MICALL1: variants seen among roughly 807,000 people sequenced by gnomAD.
The protein encoded by MICALL1 is MICAL-like protein 1.
MICALL1 carries 61 observed loss-of-function variants against 83.7 expected under a neutral mutation model. That is an observed-to-expected ratio of 0.73 (90% CI 0.59 to 0.90). The LOEUF is 0.90. MICALL1 is among the 40% of genes least tolerant of loss of function. The probability of loss-of-function intolerance (pLI) is 0.00; values close to 1 mark genes in which losing one functional copy is unlikely to be tolerated. For synonymous variants in MICALL1, 481 were observed against 473.6 expected (o/e 1.02, Z -0.20); for missense variants, 1,066 against 1,152.0 (o/e 0.93, Z 1.08).
Position 37,937,516 on chromosome 22 carries a change from C to T in MICALL1, c.2424-230C>T, listed in dbSNP as rs182278283. 1.0e-3 allele frequency among the ~76,000 whole-genome samples: 158 copies of T among 150,956 alleles called. 2 individuals are homozygous for T. In the East Asian group the frequency reaches 0.028, roughly 27 times the overall value. On this transcript the variant is annotated intron_variant, in intron 14 of 15. Transcript: ENST00000215957. ...TCGGCTCACTACAACCTCTGTCTCC[C>T]AGGTTCAAGCGATTCTCCTACCTCT...
At position 37,926,021 on chromosome 22, in the gene MICALL1, C is replaced by T. The variant is rs757046177; in HGVS notation, c.1443C>T (p.Arg481=). The change falls in exon 8 of 16, where the codon CGC becomes CGT. Residue 481 remains arginine (R), a synonymous_variant. Transcript: ENST00000215957. ...AGACAAAGAAGCGCCCTGCCCCGCG[C>T]GCACCCAGCGCGTCCCCACTGGGTG... The part of the protein sequence containing the change: ...SPKTKKRPAP[R]APSASPLALH... 6.3e-5 allele frequency: 102 copies of T among 1,606,696 alleles called. No homozygotes were observed. The highest frequency in any genetic ancestry group is 1.9e-4 in the South Asian group (17 of 90,702).
intron 7 of MICALL1, among the ~76,000 whole-genome samples, chr22:37,925,151 G>A (rs569221696): frequency 1.3e-4 from 20 of 152,298 alleles, no homozygotes; most frequent in African/African-American, 4.3e-4. Flanking sequence ...GCTGTTATTT[G>A]AGGGCCATGC....
chr22:37,925,028 G>T (rs1929334737), intron 7 of MICALL1, among the ~76,000 whole-genome samples: 1 of 152,176 alleles, frequency 6.6e-6, no homozygotes, highest in Non-Finnish European at 1.5e-5. Context: ...TTATAGAGTT[G>T]ATTTGAGGCT....
Position 37,925,966 on chromosome 22 carries a change from G to C in MICALL1, c.1388G>C (p.Trp463Ser). The C allele has an allele frequency of 6.2e-7, 1 of 1,613,892 alleles. No homozygotes were observed. Among genetic ancestry groups the C allele is most frequent in the Non-Finnish European group, 8.5e-7 (1 of 1,179,974 alleles). Residue 463 changes from tryptophan to serine, a missense_variant, in exon 8 of 16, where the codon TGG becomes TCG. By Grantham distance (177) the Trp-to-Ser change is radical. Coordinates refer to ENST00000215957, the MANE Select transcript of MICALL1 (RefSeq NM_033386.4). ...TCCACACCCAAGTCCCTGCACCCCT[G>C]GTACGGCATCACCCCTACCAGCAGC... ...PESTPKSLHP[W>S]YGITPTSSPK...
At chr22:37,922,786 G>GTTTTTTTTTTT in intron 6 of MICALL1, among the ~76,000 whole-genome samples, 1 of 83,998 alleles carries the variant, frequency 1.2e-5, no homozygotes, top group Non-Finnish European at 2.5e-5. Context: ...ATTTTGTTTT[G>GTTTTTTTTTTT]TTTTTTTTTG....
rs1601832546 is a variant in MICALL1, at chr22:37,933,199, G to C, written c.2308+87G>C. 11 of 1,370,486 alleles carry C rather than the reference G, an allele frequency of 8.0e-6. No individual in the cohort carries two copies. The East Asian group carries it at 2.5e-4, about 32-fold the overall frequency. 84.9% of individuals were successfully genotyped at this position (1,370,486 alleles called of 1,614,324 possible). A position where few individuals can be genotyped will look rare whatever the true frequency, so the allele number is the denominator to read the frequency against. On this transcript the variant is annotated intron_variant, in intron 13 of 15. Transcript: ENST00000215957. ...GGGGGAGCGGGCAGACAAAACCCCAGTAGGATGCACAGGCAGACTGGGGAC... is the reference window on the plus strand; with the variant it reads ...GGGGGAGCGGGCAGACAAAACCCCACTAGGATGCACAGGCAGACTGGGGAC...
At chr22:37,915,910 G>A (rs1928647330) in intron 3 of MICALL1, among the ~76,000 whole-genome samples, 1 of 152,194 alleles carries the variant, frequency 6.6e-6, no homozygotes, top group South Asian at 2.1e-4. Flanking sequence ...GCCTCCCAAA[G>A]TGCTGGGATT....
chr22:37,936,892 A>C (rs75570183), intron 13 of MICALL1, among the ~76,000 whole-genome samples, 188 bp from the exon 14 acceptor site: 27 of 147,672 alleles, frequency 1.8e-4, no homozygotes, highest in African/African-American at 6.5e-4. Context: ...ACTCCGTCTC[A>C]AAAAAAAAAA....
intron 8 of MICALL1, 148 bp from the exon 9 acceptor site, chr22:37,927,263 C>G: frequency 1.1e-6 from 1 of 937,632 alleles, no homozygotes; most frequent in African/African-American, 1.7e-5. Context: ...CGGGCGTTTG[C>G]TGTTCCCTGG....
rs745407991 is a variant in MICALL1 at position 37,932,538 on chromosome 22, G to A, written c.2017-15G>A. 6.2e-7 allele frequency: 1 copy of A among 1,613,386 alleles called. No individual in the cohort carries two copies. The highest frequency in any genetic ancestry group is 8.5e-7 in the Non-Finnish European group (1 of 1,179,500). ...AACCAGGCAGGCCGTCAGGTGACCA[G>A]GCACTGTTGGGCAGGTCCAGGCTGA... On this transcript the variant is annotated splice_polypyrimidine_tract_variant and intron_variant, in intron 10 of 15. Coordinates refer to ENST00000215957, the MANE Select transcript of MICALL1 (RefSeq NM_033386.4). The surrounding 1 kb of genome is among the most constrained non-coding windows in gnomAD (Gnocchi z 4.4).
chr22:37,909,347 C>A (rs549302580), intron 1 of MICALL1, among the ~76,000 whole-genome samples: 1 of 151,158 alleles, frequency 6.6e-6, no homozygotes, highest in South Asian at 2.1e-4. Flanking sequence ...AGCCACCATG[C>A]CTGGCCGAGC....
chr22:37,907,863 T>C (rs1279258708), intron 1 of MICALL1, among the ~76,000 whole-genome samples: 1 of 152,142 alleles, frequency 6.6e-6, no homozygotes, highest in Non-Finnish European at 1.5e-5. Flanking sequence ...CCCATACTAA[T>C]GGAAGCACAA....
In MICALL1 at chr22:37,927,626, GCCT is replaced by G; in HGVS notation, c.1686_1688del (p.Ser563del). On this transcript the variant is annotated inframe_deletion, in exon 9 of 16. Coordinates refer to ENST00000215957, the MANE Select transcript of MICALL1 (RefSeq NM_033386.4). ...CAGCCTCTCTACCAACTCCTCCCTG[GCCT>G]CCTCTGGGGAACTAGTGGAGCCTAG... is the stretch of plus-strand genomic sequence containing the variant. 1.2e-6 allele frequency: 2 copies of G among 1,614,008 alleles called. No individual in the cohort carries two copies. The highest frequency in any genetic ancestry group is 1.3e-5 in the African/African-American group (1 of 75,038).
intron 9 of MICALL1, among the ~76,000 whole-genome samples, chr22:37,928,240 T>G (rs755720807): frequency 2.0e-4 from 30 of 151,292 alleles, no homozygotes; most frequent in Non-Finnish European, 4.0e-4. Flanking sequence ...GGAGTCTCGC[T>G]CTATCACCCA....
Position 37,941,014 on chromosome 22 carries a change from T to G in MICALL1, c.*184T>G. On this transcript the variant is annotated 3_prime_UTR_variant, in exon 16 of 16. Coordinates refer to ENST00000215957, the MANE Select transcript of MICALL1 (RefSeq NM_033386.4). ...TGACTGCTCTGGGCCAAAGAATCTC[T>G]TGTTTCTTCTCCGAGCCCCAGGCAG... 7.1e-5 allele frequency: 47 copies of G among 663,692 alleles called. No individual in the cohort carries two copies. The highest frequency in any genetic ancestry group is 9.4e-5 in the East Asian group (3 of 31,810). 41.1% of individuals were successfully genotyped at this position (663,692 alleles called of 1,614,324 possible). A position where few individuals can be genotyped will look rare whatever the true frequency, so the allele number is the denominator to read the frequency against.
chr22:37,906,630 C>T lies in MICALL1; in HGVS notation c.146+62C>T. On this transcript the variant is annotated intron_variant, in intron 1 of 15. Transcript: ENST00000215957. The surrounding 1 kb of genome is among the most constrained non-coding windows in gnomAD (Gnocchi z 4.4). ...GCGGGCTGGGGCCGCGACCGCCGCC[C>T]CCCCTCAGTAACACGAAGCCCGGGC... The T allele has an allele frequency of 8.8e-7, 1 of 1,134,660 alleles. No individual in the cohort carries two copies. Among genetic ancestry groups the T allele is most frequent in the Non-Finnish European group, 1.1e-6 (1 of 922,666 alleles). 70.3% of individuals were successfully genotyped at this position (1,134,660 alleles called of 1,614,324 possible).
intron 9 of MICALL1, among the ~76,000 whole-genome samples, chr22:37,929,687 G>A (rs912102401): frequency 1.3e-5 from 2 of 152,136 alleles, no homozygotes; most frequent in African/African-American, 4.8e-5. Context: ...TGAGAACCTG[G>A]GGATTGCCTG....
intron 14 of MICALL1, 86 bp from the exon 15 acceptor site, chr22:37,937,660 G>A: frequency 7.1e-7 from 1 of 1,408,374 alleles, no homozygotes; most frequent in Non-Finnish European, 9.9e-7. Flanking sequence ...CTGACTTCAG[G>A]TGATCCACCC....
chr22:37,931,883 C>T lies in MICALL1; in HGVS notation c.1966C>T (p.Pro656Ser). 6.2e-7 allele frequency: 1 copy of T among 1,614,190 alleles called. No individual in the cohort carries two copies. ...AAAGAAGGCCACCAAGGGATCCAAG[C>T]CAGTGAGGCCACCTGCCCCTGGACA... ...ATKKATKGSK[P>S]VRPPAPGHGF... Residue 656 changes from proline (P) to serine (S), a missense_variant, in exon 10 of 16, where the codon CCA (proline) becomes TCA (serine). Physicochemically the swap from Pro to Ser is moderately conservative, Grantham distance 74. Coordinates refer to ENST00000215957, the MANE Select transcript of MICALL1 (RefSeq NM_033386.4).
Sources: gnomAD v4.1 joint callset for allele counts (sites outside exome capture counted in the v4.1 genomes callset) on GRCh38, gnomAD v4.1.1 for gene constraint, Gnocchi (gnomAD v3.1) non-coding constraint, MANE v1.5 for transcripts, NCBI Gene and HGNC (gene_info 2026-07-23, HGNC 2026-07-21) for gene names.